HERC6: variants seen among roughly 807,000 people sequenced by gnomAD.
HERC6 encodes the protein probable E3 ubiquitin-protein ligase HERC6.
In HERC6, 101 loss-of-function variants were observed where a neutral mutation model predicts 114.5. The ratio of observed to expected loss-of-function variants is 0.88; its 90% confidence interval spans 0.75 to 1.04. HERC6 has a LOEUF of 1.04. Among genes scored for constraint, HERC6 ranks in the 50% least tolerant of loss-of-function variants. The pLI is 0.00. For missense variants in HERC6, 1,133 were observed against 1,230.9 expected (o/e 0.92, Z 1.19); for synonymous variants, 408 against 436.2 (o/e 0.94, Z 0.81).
At chr4:88,380,252 A>T (rs925617279) in intron 1 of HERC6, among the ~76,000 whole-genome samples, 5 of 75,768 alleles carry the variant, frequency 6.6e-5, no homozygotes. Context: ...TAATATATAA[A>T]TATATAATAT....
rs1447001275 is a variant in HERC6, at chr4:88,390,701, G to A, written c.486G>A (p.Leu162=). 7 of 1,613,694 alleles carry A rather than the reference G, an allele frequency of 4.3e-6. No individual in the cohort carries two copies. Among genetic ancestry groups the A allele is most frequent in the Non-Finnish European group, 5.9e-6 (7 of 1,179,766 alleles). Residue 162 remains leucine, a synonymous_variant, in exon 4 of 23, where the codon TTG becomes TTA. Transcript: ENST00000264346. Reference sequence around the variant, plus strand: ...AGAACAGCCATGGGCAGCTGGGCTTGGGGAAGGAGTTCCCCTCCCAAGCCA... The same window carrying A: ...AGAACAGCCATGGGCAGCTGGGCTTAGGGAAGGAGTTCCCCTCCCAAGCCA... The part of the protein sequence containing the change: ...WGKNSHGQLG[L]GKEFPSQASP...
chr4:88,413,329 T>C lies in HERC6; in HGVS notation c.1558+63T>C, dbSNP rs1014130456. ...GAGTCACTCTCTGAAGTAGACGTTG[T>C]AGCAAATTTTGAATAGAAGATTTCA... is the stretch of plus-strand genomic sequence containing the variant. On this transcript the variant is annotated intron_variant, in intron 12 of 22. Coordinates refer to ENST00000264346, the MANE Select transcript of HERC6 (RefSeq NM_017912.4). The C allele has an allele frequency of 2.4e-6, 3 of 1,235,920 alleles. No homozygotes were observed. In the African/African-American group the frequency reaches 4.6e-5, roughly 19 times the overall value. The allele number at this position is 1,235,920 out of a possible 1,614,324, so 76.6% of individuals were successfully genotyped here. A position where few individuals can be genotyped will look rare whatever the true frequency, so the allele number is the denominator to read the frequency against.
intron 7 of HERC6, 124 bp from the exon 8 acceptor site, chr4:88,398,018 G>A (rs1337223021): frequency 6.9e-6 from 4 of 575,888 alleles, no homozygotes; most frequent in Non-Finnish European, 1.2e-5. Flanking sequence ...TTATGCATTT[G>A]TAGTCAAAAT....
chr4:88,396,757 T>C lies in HERC6; in HGVS notation c.888-94T>C, dbSNP rs557428937. 4.6e-5 allele frequency: 56 copies of C among 1,226,238 alleles called. No homozygotes were observed. In the African/African-American group the frequency reaches 8.1e-4, roughly 18 times the overall value. 76.0% of individuals were successfully genotyped at this position (1,226,238 alleles called of 1,614,324 possible). A position where few individuals can be genotyped will look rare whatever the true frequency, so the allele number is the denominator to read the frequency against. Reference sequence around the variant, plus strand: ...CGTACTTAGTAAAAGTAAATTGGGCTTTTTGTGTTTGTTATTTTGTCTTAA... The same window carrying C: ...CGTACTTAGTAAAAGTAAATTGGGCCTTTTGTGTTTGTTATTTTGTCTTAA... On this transcript the variant is annotated intron_variant, in intron 6 of 22. Transcript: ENST00000264346.
intron 5 of HERC6, 119 bp from the exon 6 acceptor site, chr4:88,395,896 A>T: frequency 1.3e-6 from 1 of 789,020 alleles, no homozygotes; most frequent in Non-Finnish European, 1.9e-6. Flanking sequence ...TCTCCTATTT[A>T]TGTAGAGCTT....
chr4:88,421,460 T>TC (rs1560559128), intron 13 of HERC6, among the ~76,000 whole-genome samples: 1 of 151,796 alleles, frequency 6.6e-6, no homozygotes, highest in Admixed American at 6.6e-5. Context: ...TCTTTTTTTT[T>TC]TTTTTGAGAC....
chr4:88,406,839 C>T (rs1735836749), intron 10 of HERC6, among the ~76,000 whole-genome samples: 1 of 151,334 alleles, frequency 6.6e-6, no homozygotes, highest in Non-Finnish European at 1.5e-5. Flanking sequence ...CTCACTGCAA[C>T]CTCCACCCCC....
intron 10 of HERC6, among the ~76,000 whole-genome samples, chr4:88,406,125 T>C (rs1735803069): frequency 6.6e-6 from 1 of 152,256 alleles, no homozygotes. Flanking sequence ...TTCTGCTCTT[T>C]CCTCCAAGCT....
intron 3 of HERC6, among the ~76,000 whole-genome samples, chr4:88,389,852 C>T (rs1734800072): frequency 6.6e-6 from 1 of 151,952 alleles, no homozygotes; most frequent in Non-Finnish European, 1.5e-5. Context: ...AGACAAATAC[C>T]TCATGGTCTC....
chr4:88,398,471 A>G (rs1424177099), intron 8 of HERC6: 1 of 294,322 alleles, frequency 3.4e-6, no homozygotes, highest in Non-Finnish European at 6.2e-6. Flanking sequence ...AATTTGCATC[A>G]TGTAAATGCA....
intron 3 of HERC6, among the ~76,000 whole-genome samples, chr4:88,389,091 C>T (rs1578371576): frequency 6.6e-6 from 1 of 152,132 alleles, no homozygotes; most frequent in East Asian, 1.9e-4. Context: ...GAGCAGAAAC[C>T]AAATGAAAAG....
chr4:88,442,602 T>C lies in HERC6; in HGVS notation c.*142T>C. Reference sequence around the variant, plus strand: ...TGGGGGAATGGGGAGATGATGATGATGGTCAAAGGGTGCAAAATCTCACAC... The same window carrying C: ...TGGGGGAATGGGGAGATGATGATGACGGTCAAAGGGTGCAAAATCTCACAC... On this transcript the variant is annotated 3_prime_UTR_variant, in exon 23 of 23. Transcript: ENST00000264346. 1 of 709,428 alleles carries C rather than the reference T, an allele frequency of 1.4e-6. No homozygotes were observed. Among genetic ancestry groups the C allele is most frequent in the South Asian group, 1.8e-5 (1 of 55,334 alleles). 43.9% of individuals were successfully genotyped at this position (709,428 alleles called of 1,614,324 possible).
At chr4:88,394,044 A>C (rs547463934) in intron 5 of HERC6, among the ~76,000 whole-genome samples, 28 of 152,338 alleles carry the variant, frequency 1.8e-4, no homozygotes, top group Middle Eastern at 6.8e-3. Flanking sequence ...TAAGATATAT[A>C]TACCAATATC....
In HERC6 at chr4:88,435,733, T is replaced by C; in HGVS notation, c.2259T>C (p.Pro753=). 6.5e-7 allele frequency: 1 copy of C among 1,537,798 alleles called. No individual in the cohort carries two copies. The highest frequency in any genetic ancestry group is 8.8e-7 in the Non-Finnish European group (1 of 1,140,856). ...SCMWFPAKPK[P]EKKRYFLFGM... The stretch of plus-strand genomic sequence containing the variant: ...TTTTTCTTCTTTTCTAGCCTAAACC[T>C]GAGAAGAAAAGATATTTCCTCTTTG... Residue 753 remains proline, a synonymous_variant, in exon 18 of 23, where the codon CCT becomes CCC. Coordinates refer to ENST00000264346, the MANE Select transcript of HERC6 (RefSeq NM_017912.4).
intron 6 of HERC6, 106 bp downstream of exon 6, chr4:88,396,248 C>A (rs1735223632): frequency 1.1e-6 from 1 of 932,592 alleles, no homozygotes; most frequent in Non-Finnish European, 1.5e-6. Context: ...AAAATTCCTG[C>A]CTGAAAATTT....
chr4:88,398,781 T>A (rs1314020078), intron 8 of HERC6: 1 of 152,230 alleles, frequency 6.6e-6, no homozygotes, highest in Admixed American at 6.5e-5. Flanking sequence ...TAATTTTAAC[T>A]GCAGTCACCA....
chr4:88,401,044 A>G (rs1345144765), intron 8 of HERC6, among the ~76,000 whole-genome samples: 4 of 152,248 alleles, frequency 2.6e-5, no homozygotes, highest in Non-Finnish European at 5.9e-5. Context: ...CTTTGGTAAG[A>G]TTGTGTTATT....
rs1279765509 is a variant in HERC6 at position 88,432,534 on chromosome 4, GCCTGGCCAA to G, written c.2250+1236_2250+1244del. Among the ~76,000 whole-genome samples, 9 of 152,184 alleles carry G rather than the reference GCCTGGCCAA, an allele frequency of 5.9e-5. No individual in the cohort carries two copies. The South Asian group carries it at 6.2e-4, about 11-fold the overall frequency. ...CAGGAATTCGAGACCAGCCTGGCCA[GCCTGGCCAA>G]CCTGGCGAAACACTGTCTCTACTAA... is the stretch of plus-strand genomic sequence containing the variant. On this transcript the variant is annotated intron_variant, in intron 17 of 22. Transcript: ENST00000264346.
At chr4:88,423,771 G>C (rs1279235665) in intron 13 of HERC6, 89 bp from the exon 14 acceptor site, 2 of 527,672 alleles carry the variant, frequency 3.8e-6, no homozygotes, top group Admixed American at 4.3e-5. Context: ...CTTCTTATCT[G>C]TATAACAGCC....
Sources: allele counts gnomAD v4.1 joint callset (sites outside exome capture counted in the v4.1 genomes callset), GRCh38; gene constraint gnomAD v4.1.1; transcripts MANE v1.5; gene names NCBI Gene and HGNC (gene_info 2026-07-23, HGNC 2026-07-21).